Variants in NRG2 observed in about 807,000 individuals in gnomAD.
The protein encoded by NRG2 is pro-neuregulin-2, membrane-bound isoform.
NRG2 carries 27 observed loss-of-function variants against 73.9 expected under a neutral mutation model. That is an observed-to-expected ratio of 0.37 (90% confidence interval 0.27 to 0.50). NRG2 has a LOEUF of 0.50. Ranked by LOEUF, NRG2 falls within the 20% of genes least tolerant of loss-of-function variation. The pLI is 0.96. For missense variants in NRG2, 1,126 were observed against 1,210.1 expected (o/e 0.93, Z 1.03); for synonymous variants, 532 against 541.0 (o/e 0.98, Z 0.23).
chr5:140,001,675 A>C (rs1197048830), intron 1 of NRG2, among the ~76,000 whole-genome samples: 1 of 151,404 alleles, frequency 6.6e-6, no homozygotes, highest in Non-Finnish European at 1.5e-5. Context: ...CAGCCTGGGA[A>C]AAATAGCAAG....
At chr5:139,990,270 G>C (rs1003814063) in intron 1 of NRG2, among the ~76,000 whole-genome samples, 1 of 142,536 alleles carries the variant, frequency 7.0e-6, no homozygotes, top group Non-Finnish European at 1.5e-5. Flanking sequence ...ATTCCCACTA[G>C]CAATATTTTA....
At chr5:139,985,396 G>A (rs921470083) in intron 1 of NRG2, among the ~76,000 whole-genome samples, 1 of 151,778 alleles carries the variant, frequency 6.6e-6, no homozygotes, top group African/African-American at 2.4e-5. Flanking sequence ...AGAGTGCCTG[G>A]CCTTTCTCCA....
Position 140,042,686 on chromosome 5 carries a change from G to T in NRG2, c.384C>A (p.Pro128=). Residue 128 remains proline, a synonymous_variant, in exon 1 of 10, where the codon CCC becomes CCA. Coordinates refer to ENST00000361474, the MANE Select transcript of NRG2 (RefSeq NM_004883.3). ...KSVQDQAYKA[P]VVVEGKVQGL... ...CCTGTACCTTGCCCTCCACCACCAC[G>T]GGTGCCTTGTACGCCTGGTCCTGCA... 1 of 1,586,584 alleles carries T rather than the reference G, an allele frequency of 6.3e-7. No individual in the cohort carries two copies. The highest frequency in any genetic ancestry group is 2.3e-5 in the East Asian group (1 of 43,322).
chr5:140,017,129 A>G (rs1401762739), intron 1 of NRG2, among the ~76,000 whole-genome samples: 2 of 152,212 alleles, frequency 1.3e-5, no homozygotes, highest in Non-Finnish European at 2.9e-5. Context: ...CAGTATTGAC[A>G]TGGGTGATGT....
chr5:139,990,157 T>G (rs899283750), intron 1 of NRG2, among the ~76,000 whole-genome samples: 2 of 152,114 alleles, frequency 1.3e-5, no homozygotes, highest in Non-Finnish European at 2.9e-5. Flanking sequence ...ATTGTGTATG[T>G]GCAAGAATTT....
intron 4 of NRG2, among the ~76,000 whole-genome samples, chr5:139,867,388 G>C (rs1762530818): frequency 6.6e-6 from 1 of 152,070 alleles, no homozygotes; most frequent in African/African-American, 2.4e-5. Context: ...GCATGGGTGG[G>C]AAGAGGGTAC....
intron 1 of NRG2, among the ~76,000 whole-genome samples, chr5:139,934,989 A>G (rs1248973493): frequency 1.3e-5 from 2 of 152,078 alleles, no homozygotes; most frequent in Non-Finnish European, 2.9e-5. Context: ...AAATGGCGAA[A>G]CCCCGTCTCT....
chr5:139,848,738 G>A, intron 9 of NRG2, 41 bp from the exon 10 acceptor site: 1 of 1,309,242 alleles, frequency 7.6e-7, no homozygotes, highest in Non-Finnish European at 9.8e-7. Flanking sequence ...GCCAGGCCGG[G>A]CCGGCGCGGG....
intron 1 of NRG2, among the ~76,000 whole-genome samples, chr5:139,944,946 T>C (rs1324176309): frequency 6.6e-6 from 1 of 152,238 alleles, no homozygotes; most frequent in African/African-American, 2.4e-5. Flanking sequence ...ATAGCCATCC[T>C]AACTGGGGTG....
At chr5:140,016,028 G>C (rs946682375) in intron 1 of NRG2, among the ~76,000 whole-genome samples, 1 of 152,122 alleles carries the variant, frequency 6.6e-6, no homozygotes, top group Admixed American at 6.5e-5. Context: ...TTCTACACTG[G>C]GGAGGAAGGG....
intron 1 of NRG2, among the ~76,000 whole-genome samples, chr5:140,026,541 T>C (rs1176332856): frequency 6.6e-6 from 1 of 151,944 alleles, no homozygotes; most frequent in East Asian, 1.9e-4. Context: ...GTCCAAGCTG[T>C]AGTATGCTAT....
In NRG2 at chr5:139,870,830, T is replaced by A. The variant is rs116752341; in HGVS notation, c.1112+891A>T. ...GTCCAGGGGGCACTGTAGGCCCAGC[T>A]GCCCAGAAGATCTGGCTGGGCCTGA... On this transcript the variant is annotated intron_variant, in intron 4 of 9. Transcript: ENST00000361474. This position sits in a 1 kb window ranked among gnomAD's most constrained non-coding sequence, Gnocchi z 4.4. 0.012 allele frequency among the ~76,000 whole-genome samples: 1,782 copies of A among 152,330 alleles called. 28 individuals are homozygous for A. Among genetic ancestry groups the A allele is most frequent in the African/African-American group, 0.041 (1,696 of 41,564 alleles).
chr5:139,997,920 C>T (rs1758142873), intron 1 of NRG2, among the ~76,000 whole-genome samples: 1 of 152,222 alleles, frequency 6.6e-6, no homozygotes. Flanking sequence ...CTGAGGATTG[C>T]CCCTCTAGGT....
chr5:139,856,536 A>C lies in NRG2; in HGVS notation c.1190-758T>G, dbSNP rs1275220783. The C allele has an allele frequency of 6.6e-6, 1 of 152,420 alleles. No individual in the cohort carries two copies. The highest frequency in any genetic ancestry group is 2.4e-5 in the African/African-American group (1 of 41,466). The allele number at this position is 152,420 out of a possible 1,614,324, so 9.4% of individuals were successfully genotyped here. On this transcript the variant is annotated intron_variant, in intron 5 of 9. Transcript: ENST00000361474. This position sits in a 1 kb window ranked among gnomAD's most constrained non-coding sequence, Gnocchi z 4.2. Reference sequence around the variant, plus strand: ...AAGGTGACAGCGCTAGCTGTAGTCAAGGCTACAGCCCGGAGACCCCACCCG... The same window carrying C: ...AAGGTGACAGCGCTAGCTGTAGTCACGGCTACAGCCCGGAGACCCCACCCG...
intron 1 of NRG2, among the ~76,000 whole-genome samples, chr5:139,991,022 T>A (rs529792668): frequency 1.3e-5 from 2 of 152,238 alleles, no homozygotes; most frequent in Admixed American, 1.3e-4. Context: ...ATGCCTGTAA[T>A]CCCAGCACTT....
chr5:139,934,305 G>A (rs1752690071), intron 1 of NRG2, among the ~76,000 whole-genome samples: 1 of 152,168 alleles, frequency 6.6e-6, no homozygotes, highest in Non-Finnish European at 1.5e-5. Context: ...ACAATGTATT[G>A]TGGAGTTTAT....
intron 6 of NRG2, 150 bp downstream of exon 6, chr5:139,855,525 AC>A: frequency 1.5e-6 from 1 of 664,428 alleles, no homozygotes; most frequent in Non-Finnish European, 2.7e-6. Flanking sequence ...CTCGACACCC[AC>A]CCAGCTACAG....
At chr5:140,034,820 C>G (rs571091615) in intron 1 of NRG2, among the ~76,000 whole-genome samples, 1 of 152,198 alleles carries the variant, frequency 6.6e-6, no homozygotes, top group Non-Finnish European at 1.5e-5. Context: ...TGTGCAAGAC[C>G]CATTCACTGA....
chr5:139,913,185 G>A (rs1750979213), intron 1 of NRG2, among the ~76,000 whole-genome samples: 1 of 152,182 alleles, frequency 6.6e-6, no homozygotes, highest in Non-Finnish European at 1.5e-5. Context: ...TCTTAGGGCT[G>A]CAGGCAACAG....
Sources: allele counts gnomAD v4.1 joint callset (sites outside exome capture counted in the v4.1 genomes callset), GRCh38; gene constraint gnomAD v4.1.1; non-coding constraint Gnocchi (gnomAD v3.1); transcripts MANE v1.5; gene names NCBI Gene and HGNC (gene_info 2026-07-23, HGNC 2026-07-21).